The following MIGA2 variants were observed in gnomAD, a reference collection of about 807,000 sequenced individuals.
MIGA2 encodes mitoguardin 2.
In MIGA2, 36 loss-of-function variants were observed where a neutral mutation model predicts 69.9. The observed-to-expected ratio is 0.52, with a 90% CI of 0.39 to 0.68. MIGA2 has a LOEUF of 0.68. Ranked by LOEUF, MIGA2 falls within the 30% of genes least tolerant of loss-of-function variation. The pLI, the probability that MIGA2 is intolerant of heterozygous loss-of-function variation, is 0.00. For synonymous variants in MIGA2, 333 were observed against 349.2 expected, an observed-to-expected ratio of 0.95 and a Z score of 0.52; for missense variants, 660 against 787.7, an observed-to-expected ratio of 0.84 and a Z score of 1.94.
chr9:129,039,129 T>C (rs1844752724), intron 1 of MIGA2, among the ~76,000 whole-genome samples: 1 of 151,276 alleles, frequency 6.6e-6, no homozygotes, highest in South Asian at 2.1e-4. Flanking sequence ...AGATGATGGA[T>C]GTAAAGAATG....
chr9:129,066,457 G>C (rs1289677701), intron 11 of MIGA2, among the ~76,000 whole-genome samples: 1 of 148,238 alleles, frequency 6.7e-6, no homozygotes, highest in Admixed American at 6.7e-5. Flanking sequence ...GGAGGATCAC[G>C]AGGTCAGGAG....
At chr9:129,041,047 C>T (rs576368875) in intron 2 of MIGA2, among the ~76,000 whole-genome samples, 9 of 151,976 alleles carry the variant, frequency 5.9e-5, no homozygotes, top group Admixed American at 2.0e-4. Flanking sequence ...AAAAATTAGG[C>T]GGGTAGGCTG....
At chr9:129,065,961 A>G (rs1588414090) in intron 11 of MIGA2, among the ~76,000 whole-genome samples, 1 of 152,338 alleles carries the variant, frequency 6.6e-6, no homozygotes, top group African/African-American at 2.4e-5. Context: ...GGCCAGTGTC[A>G]GAACTCTCCT....
intron 6 of MIGA2, among the ~76,000 whole-genome samples, chr9:129,052,901 C>T (rs1376051308): frequency 1.3e-5 from 2 of 152,092 alleles, no homozygotes; most frequent in South Asian, 4.1e-4. Context: ...GTCTGCGAGT[C>T]GGCAGGGAAC....
chr9:129,059,064 C>G lies in MIGA2; in HGVS notation c.676-90C>G. ...AGCTGCTGGGTCCTAGAGCTCCTCC[C>G]CTTTCCCCAGGGACCTGGGGGTGAG... On this transcript the variant is annotated intron_variant, in intron 6 of 15. Coordinates refer to ENST00000684074, the MANE Select transcript of MIGA2 (RefSeq NM_001329990.2). This position sits in a 1 kb window ranked among gnomAD's most constrained non-coding sequence, Gnocchi z 5.6. 4 of 1,182,172 alleles carry G rather than the reference C, an allele frequency of 3.4e-6. No homozygotes were observed. Among genetic ancestry groups the G allele is most frequent in the Non-Finnish European group, 5.0e-6 (4 of 801,838 alleles). The allele number at this position is 1,182,172 out of a possible 1,614,324, so 73.2% of individuals were successfully genotyped here.
chr9:129,049,306 G>A (rs180842853), intron 4 of MIGA2, 75 bp from the exon 5 acceptor site: 1 of 1,424,390 alleles, frequency 7.0e-7, no homozygotes, highest in Non-Finnish European at 9.8e-7. Context: ...TCAGGCAGTG[G>A]AGGAGGGCTC....
At chr9:129,045,918 A>G in intron 3 of MIGA2, among the ~76,000 whole-genome samples, 1 of 149,184 alleles carries the variant, frequency 6.7e-6, no homozygotes, top group Non-Finnish European at 1.5e-5. Context: ...CAGTGGTGCC[A>G]TCTTGGCTCA....
intron 1 of MIGA2, among the ~76,000 whole-genome samples, chr9:129,038,817 G>A (rs28365549): frequency 1.6e-5 from 2 of 121,698 alleles, no homozygotes; most frequent in African/African-American, 3.4e-5. Context: ...TTTTTTTGTG[G>A]CAGAGTCTCG....
At chr9:129,062,708 G>A (rs1031868200) in intron 9 of MIGA2, among the ~76,000 whole-genome samples, 2 of 151,890 alleles carry the variant, frequency 1.3e-5, no homozygotes, top group African/African-American at 2.4e-5. Context: ...GCCGGGCGTG[G>A]TGGTACGTGG....
At chr9:129,048,578 G>C (rs373516994) in intron 4 of MIGA2, 39 bp downstream of exon 4, 1 of 1,546,858 alleles carries the variant, frequency 6.5e-7, no homozygotes, top group Admixed American at 1.7e-5. Context: ...CTCCAGGTCC[G>C]GGCTTACCCC....
chr9:129,056,777 C>T (rs188245109), intron 6 of MIGA2, among the ~76,000 whole-genome samples: 75 of 152,128 alleles, frequency 4.9e-4, no homozygotes, highest in African/African-American at 1.7e-3. Context: ...CCTCGCCCCC[C>T]AAAGTGCTGG....
In MIGA2 at chr9:129,061,741, T is replaced by C. The variant is rs1223263859; in HGVS notation, c.1010+395T>C. 6.6e-6 allele frequency among the ~76,000 whole-genome samples: 1 copy of C among 152,072 alleles called. No individual in the cohort carries two copies. Among genetic ancestry groups the C allele is most frequent in the African/African-American group, 2.4e-5 (1 of 41,426 alleles). On this transcript the variant is annotated intron_variant, in intron 9 of 15. Transcript: ENST00000684074. This position sits in a 1 kb window ranked among gnomAD's most constrained non-coding sequence, Gnocchi z 5.0. Reference sequence around the variant, plus strand: ...TAAGCATTCCATATGAAAACAAAAGTAAATTCTCAGCGGGTACAGCCACAG... The same window carrying C: ...TAAGCATTCCATATGAAAACAAAAGCAAATTCTCAGCGGGTACAGCCACAG...
chr9:129,062,013 A>G (rs1382626240), intron 9 of MIGA2, among the ~76,000 whole-genome samples: 2 of 143,078 alleles, frequency 1.4e-5, no homozygotes, highest in Non-Finnish European at 3.1e-5. Context: ...TTATTATCTT[A>G]TTATGATAAG....
intron 1 of MIGA2, chr9:129,039,707 C>T: frequency 6.3e-6 from 1 of 158,812 alleles, no homozygotes; most frequent in Non-Finnish European, 1.3e-5. Flanking sequence ...TACAGGTGTG[C>T]ACCACCACGC....
At position 129,042,363 on chromosome 9, in the gene MIGA2, C is replaced by A. The variant is rs937310520; in HGVS notation, c.156C>A (p.Ala52=). The A allele has an allele frequency of 3.1e-6, 5 of 1,613,414 alleles. No individual in the cohort carries two copies. In the African/African-American group the frequency reaches 5.3e-5, roughly 17 times the overall value. ...PGLRKVLFAT[A]LGTVALALAA... Reference sequence around the variant, plus strand: ...TGCGGAAAGTCCTCTTTGCCACGGCCCTGGGGACTGTGGCCCTGGCCCTGG... The same window carrying A: ...TGCGGAAAGTCCTCTTTGCCACGGCACTGGGGACTGTGGCCCTGGCCCTGG... Residue 52 remains alanine (A), a synonymous_variant, in exon 3 of 16, where the codon GCC becomes GCA. Coordinates refer to ENST00000684074, the MANE Select transcript of MIGA2 (RefSeq NM_001329990.2).
rs555913978 is a variant in MIGA2, at chr9:129,065,253, T to A, written c.1170+1622T>A. On this transcript the variant is annotated intron_variant, in intron 11 of 15. Transcript: ENST00000684074. ...AGTTCAAGGCTGCAGTGAGCCATGA[T>A]TGCACCACTGCTCTCCAGCCTGGCC... Among the ~76,000 whole-genome samples, 71 of 152,048 alleles carry A rather than the reference T, an allele frequency of 4.7e-4. 1 individual carries two copies. The highest frequency in any genetic ancestry group is 3.2e-3 in the Admixed American group (49 of 15,244).
At position 129,040,487 on chromosome 9, in the gene MIGA2, T is replaced by C. The variant is rs2131338077; in HGVS notation, c.-108T>C. 6.8e-7 allele frequency: 1 copy of C among 1,462,766 alleles called. No homozygotes were observed. The highest frequency in any genetic ancestry group is 1.4e-5 in the African/African-American group (1 of 71,322). The allele number at this position is 1,462,766 out of a possible 1,614,324, so 90.6% of individuals were successfully genotyped here. On this transcript the variant is annotated 5_prime_UTR_variant, in exon 2 of 16. Transcript: ENST00000684074. ...GGGCCCTCTGGTATGTGTGTCCCTG[T>C]CCTTCTGGGGCGTGGATGGTGCCTG...
intron 4 of MIGA2, among the ~76,000 whole-genome samples, chr9:129,049,163 C>T (rs1845387954): frequency 6.6e-6 from 1 of 152,204 alleles, no homozygotes; most frequent in Non-Finnish European, 1.5e-5. Flanking sequence ...CTCAGGATTC[C>T]TTCCTGCTTT....
chr9:129,067,708 C>G (rs112292380), intron 11 of MIGA2, 65 bp from the exon 12 acceptor site: 18 of 1,482,238 alleles, frequency 1.2e-5, no homozygotes, highest in African/African-American at 9.7e-5. Context: ...GTCCCCCATC[C>G]ACAGGCCAGC....
Sources: gnomAD v4.1 joint callset for allele counts (sites outside exome capture counted in the v4.1 genomes callset) on GRCh38, gnomAD v4.1.1 for gene constraint, Gnocchi (gnomAD v3.1) non-coding constraint, MANE v1.5 for transcripts, NCBI Gene and HGNC (gene_info 2026-07-23, HGNC 2026-07-21) for gene names.